The following HERC1 variants were observed in gnomAD, a reference collection of about 807,000 sequenced individuals.
The protein encoded by HERC1 is probable E3 ubiquitin-protein ligase HERC1.
HERC1 carries 160 observed loss-of-function variants against 554.3 expected under a neutral mutation model. The observed-to-expected ratio is 0.29, with a 90% confidence interval of 0.25 to 0.33. The LOEUF (loss-of-function observed/expected upper bound fraction) is 0.33. Ranked by LOEUF, HERC1 falls within the 10% of genes least tolerant of loss-of-function variation. The pLI is 1.00. For synonymous variants in HERC1, 2,175 were observed against 2,131.7 expected (o/e 1.02, Z -0.56); for missense variants, 4,919 against 5,918.5 (o/e 0.83, Z 5.54).
Position 63,669,627 on chromosome 15 carries a change from G to A in HERC1, c.8117C>T (p.Ser2706Leu), listed in dbSNP as rs748725799. 30 of 1,613,830 alleles carry A rather than the reference G, an allele frequency of 1.9e-5. No individual in the cohort carries two copies. Among genetic ancestry groups the A allele is most frequent in the East Asian group, 2.2e-5 (1 of 44,884 alleles). The change falls in exon 40 of 78, where the codon TCG (serine) becomes TTG (leucine). Residue 2706 changes from serine to leucine, a missense_variant. Ser to Leu is a moderately radical substitution (Grantham distance 145, BLOSUM62 -2). This residue lies in a region of HERC1 where 1,963 missense variants were observed against 2,228.6 expected (regional missense o/e 0.88). Coordinates refer to ENST00000443617, the MANE Select transcript of HERC1 (RefSeq NM_003922.4). ...TRRAQTPPIS[S>L]LPTSPSDEVG... Reference sequence around the variant, plus strand: ...TTCATCAGAAGGAGAGGTTGGTAACGAAGATATTGGAGGAGTCTGTGCCCG... The same window carrying A: ...TTCATCAGAAGGAGAGGTTGGTAACAAAGATATTGGAGGAGTCTGTGCCCG...
In HERC1 at chr15:63,636,126, C is replaced by A. The variant is rs748225638; in HGVS notation, c.12249G>T (p.Gln4083His). 1 of 1,613,838 alleles carries A rather than the reference C, an allele frequency of 6.2e-7. No homozygotes were observed. The highest frequency in any genetic ancestry group is 8.5e-7 in the Non-Finnish European group (1 of 1,179,844). Residue 4083 changes from glutamine to histidine, a missense_variant, in exon 65 of 78, where the codon CAG becomes CAT. Around this residue, in one of 11 missense-constraint regions of HERC1, gnomAD observed 122 missense variants for 195.2 expected, o/e 0.63. Transcript: ENST00000443617. The stretch of plus-strand genomic sequence containing the variant: ...CATCAGAACCACAGGAAGTCACCAG[C>A]TGGGTCACCACAAAGCCTGGAACAG... The part of the protein sequence containing the change: ...ISALQGFVVT[Q>H]LVTSCGSDGH...
chr15:63,751,308 C>G (rs773850005), intron 8 of HERC1, among the ~76,000 whole-genome samples: 1 of 152,146 alleles, frequency 6.6e-6, no homozygotes, highest in Non-Finnish European at 1.5e-5. Flanking sequence ...ACATGCAGTA[C>G]AGGTTTGTAA....
intron 12 of HERC1, among the ~76,000 whole-genome samples, chr15:63,741,807 T>C (rs2074822306): frequency 6.6e-6 from 1 of 152,246 alleles, no homozygotes; most frequent in Non-Finnish European, 1.5e-5. Flanking sequence ...TATGAGTTTA[T>C]TTCTAGACTC....
In HERC1 at chr15:63,680,445, A is replaced by T. The variant is rs1595958193; in HGVS notation, c.6465+92T>A. Reference sequence around the variant, plus strand: ...AGAGAGAAAGGAGAGACGAGCAGATAATCTATAAACTGAATACGTGGCACT... The same window carrying T: ...AGAGAGAAAGGAGAGACGAGCAGATTATCTATAAACTGAATACGTGGCACT... On this transcript the variant is annotated intron_variant, in intron 35 of 77. Coordinates refer to ENST00000443617, the MANE Select transcript of HERC1 (RefSeq NM_003922.4). The surrounding 1 kb of genome is among the most constrained non-coding windows in gnomAD (Gnocchi z 5.8). 3 of 1,302,494 alleles carry T rather than the reference A, an allele frequency of 2.3e-6. No individual in the cohort carries two copies. In the East Asian group the frequency reaches 7.3e-5, roughly 32 times the overall value. 80.7% of individuals were successfully genotyped at this position (1,302,494 alleles called of 1,614,324 possible). A position where few individuals can be genotyped will look rare whatever the true frequency, so the allele number is the denominator to read the frequency against.
chr15:63,717,665 G>C lies in HERC1; in HGVS notation c.3978+909C>G, dbSNP rs116145276. ...GGTGTTCAAACTCCTCACTCCAGGA[G>C]TTCAAAACCAGCCTGGTCAACACGG... On this transcript the variant is annotated intron_variant, in intron 21 of 77. Transcript: ENST00000443617. Among the ~76,000 whole-genome samples, 169 of 152,252 alleles carry C rather than the reference G, an allele frequency of 1.1e-3. 1 individual carries two copies. Among genetic ancestry groups the C allele is most frequent in the African/African-American group, 4.0e-3 (167 of 41,556 alleles).
chr15:63,758,753 C>G lies in HERC1; in HGVS notation c.1027-384G>C, dbSNP rs1361762739. 1.3e-5 allele frequency among the ~76,000 whole-genome samples: 2 copies of G among 152,150 alleles called. No homozygotes were observed. Among genetic ancestry groups the G allele is most frequent in the Admixed American group, 6.5e-5 (1 of 15,280 alleles). On this transcript the variant is annotated intron_variant, in intron 3 of 77. Coordinates refer to ENST00000443617, the MANE Select transcript of HERC1 (RefSeq NM_003922.4). The surrounding 1 kb of genome is among the most constrained non-coding windows in gnomAD (Gnocchi z 4.0). ...AATTGTTCATATACAAATTATTTAACACAGTCACCACAGAGGATACATAAA... is the reference window on the plus strand; with the variant it reads ...AATTGTTCATATACAAATTATTTAAGACAGTCACCACAGAGGATACATAAA...
At chr15:63,723,864 G>C (rs1415444806) in intron 18 of HERC1, among the ~76,000 whole-genome samples, 1 of 152,066 alleles carries the variant, frequency 6.6e-6, no homozygotes, top group African/African-American at 2.4e-5. Flanking sequence ...ATTTATATTT[G>C]TACAGGTGGT....
rs961424237 is a variant in HERC1, at chr15:63,628,593, C to G, written c.13105+84G>C. 3.2e-5 allele frequency: 44 copies of G among 1,362,700 alleles called. No homozygotes were observed. In the African/African-American group the frequency reaches 6.3e-4, roughly 19 times the overall value. 84.4% of individuals were successfully genotyped at this position (1,362,700 alleles called of 1,614,324 possible). A position where few individuals can be genotyped will look rare whatever the true frequency, so the allele number is the denominator to read the frequency against. ...GATGGTTTCACAACGATGCTGGATA[C>G]AGTTGGGAACTGGCAAGCAGACAGT... On this transcript the variant is annotated intron_variant, in intron 70 of 77. Coordinates refer to ENST00000443617, the MANE Select transcript of HERC1 (RefSeq NM_003922.4).
At chr15:63,697,233 G>C (rs1162966756) in intron 26 of HERC1, among the ~76,000 whole-genome samples, 3 of 151,792 alleles carry the variant, frequency 2.0e-5, no homozygotes, top group Non-Finnish European at 2.9e-5. Context: ...TGACTTTTTA[G>C]TTTCTCCTAC....
chr15:63,751,728 T>C (rs1309005351), intron 8 of HERC1, among the ~76,000 whole-genome samples: 5 of 152,326 alleles, frequency 3.3e-5, no homozygotes, highest in Non-Finnish European at 5.9e-5. Context: ...CTTTATTTTT[T>C]TCACGCATAT....
chr15:63,630,933 T>C (rs900341940), intron 68 of HERC1, among the ~76,000 whole-genome samples: 3 of 152,222 alleles, frequency 2.0e-5, no homozygotes, highest in African/African-American at 7.2e-5. Context: ...TCCACATCTT[T>C]GAAAGGATAG....
chr15:63,689,934 C>T (rs992363014), intron 32 of HERC1, among the ~76,000 whole-genome samples: 5 of 152,044 alleles, frequency 3.3e-5, no homozygotes, highest in South Asian at 4.2e-4. Flanking sequence ...GAGGCTGAGG[C>T]GGGTGGATTG....
chr15:63,689,087 A>T (rs1360381318), intron 33 of HERC1, among the ~76,000 whole-genome samples: 1 of 152,264 alleles, frequency 6.6e-6, no homozygotes, highest in African/African-American at 2.4e-5. Flanking sequence ...GCACCAAAAA[A>T]GAGTTGCTTT....
chr15:63,797,981 C>T (rs1474549448), intron 1 of HERC1, among the ~76,000 whole-genome samples: 1 of 152,150 alleles, frequency 6.6e-6, no homozygotes, highest in Non-Finnish European at 1.5e-5. Context: ...TAATATCACT[C>T]CCTGGAAAAA....
At chr15:63,729,129 A>T in intron 16 of HERC1, 107 bp downstream of exon 16, 1 of 1,019,796 alleles carries the variant, frequency 9.8e-7, no homozygotes, top group Non-Finnish European at 1.4e-6. Flanking sequence ...AAGGAAATTC[A>T]AGACCATTCC....
chr15:63,794,274 G>A (rs776957849), intron 1 of HERC1, among the ~76,000 whole-genome samples: 2 of 151,816 alleles, frequency 1.3e-5, no homozygotes, highest in Non-Finnish European at 2.9e-5. Context: ...CTATAGACTC[G>A]CCCTGAATTC....
chr15:63,657,684 G>C (rs1406534356), intron 48 of HERC1, among the ~76,000 whole-genome samples: 1 of 152,100 alleles, frequency 6.6e-6, no homozygotes, highest in Non-Finnish European at 1.5e-5. Context: ...TGACTTGCTT[G>C]AGGAATTTTT....
In HERC1 at chr15:63,659,899, C is replaced by A; in HGVS notation, c.9261G>T (p.Lys3087Asn). 2 of 1,613,608 alleles carry A rather than the reference C, an allele frequency of 1.2e-6. No individual in the cohort carries two copies. The highest frequency in any genetic ancestry group is 1.7e-6 in the Non-Finnish European group (2 of 1,179,646). The change falls in exon 47 of 78, where the codon AAG becomes AAT. Residue 3087 changes from lysine (K) to asparagine (N), a missense_variant. This residue lies in a region of HERC1 where 1,963 missense variants were observed against 2,228.6 expected (regional missense o/e 0.88). Transcript: ENST00000443617. Reference protein sequence around the residue: ...WDMLDVDEDEKLTGEEEFELL... With the variant: ...WDMLDVDEDENLTGEEEFELL... Reference sequence around the variant, plus strand: ...ATTCAAATTCTTCTTCACCAGTTAGCTTTTCATCTTCATCAACATCCAACA... The same window carrying A: ...ATTCAAATTCTTCTTCACCAGTTAGATTTTCATCTTCATCAACATCCAACA...
Position 63,775,837 on chromosome 15 carries a change from A to G in HERC1, c.-26-188T>C, listed in dbSNP as rs910672612. 6.6e-6 allele frequency among the ~76,000 whole-genome samples: 1 copy of G among 152,134 alleles called. No individual in the cohort carries two copies. Among genetic ancestry groups the G allele is most frequent in the African/African-American group, 2.4e-5 (1 of 41,440 alleles). On this transcript the variant is annotated intron_variant, in intron 1 of 77. Coordinates refer to ENST00000443617, the MANE Select transcript of HERC1 (RefSeq NM_003922.4). This position sits in a 1 kb window ranked among gnomAD's most constrained non-coding sequence, Gnocchi z 4.0. ...CAGATCACTTGAGGCCAGGAGTTCA[A>G]GACGAGCCTGGCCAACATTATGAAA... is the stretch of plus-strand genomic sequence containing the variant.
Sources: allele counts gnomAD v4.1 joint callset (sites outside exome capture counted in the v4.1 genomes callset), GRCh38; gene constraint gnomAD v4.1.1; regional missense constraint gnomAD v4.1.1; non-coding constraint Gnocchi (gnomAD v3.1); transcripts MANE v1.5; gene names NCBI Gene and HGNC (gene_info 2026-07-23, HGNC 2026-07-21).